The following OSBPL8 variants were observed in gnomAD, a reference collection of about 807,000 sequenced individuals.
OSBPL8 encodes oxysterol-binding protein-related protein 8.
OSBPL8 carries 59 observed loss-of-function variants against 125.5 expected under a neutral mutation model. The observed-to-expected ratio is 0.47, with a 90% CI of 0.38 to 0.58. OSBPL8 has a LOEUF of 0.58. Among genes scored for constraint, OSBPL8 ranks in the 20% least tolerant of loss-of-function variants. The probability of loss-of-function intolerance (pLI) is 0.00; values close to 1 mark genes in which losing one functional copy is unlikely to be tolerated. For missense variants in OSBPL8, 758 were observed against 1,047.8 expected (o/e 0.72, Z 3.82); for synonymous variants, 330 against 338.9 (o/e 0.97, Z 0.29).
At chr12:76,535,285 T>C (rs1950461164) in intron 1 of OSBPL8, among the ~76,000 whole-genome samples, 1 of 151,974 alleles carries the variant, frequency 6.6e-6, no homozygotes, top group East Asian at 1.9e-4. Context: ...AGAAAACAAT[T>C]TTTTAAATGA....
intron 5 of OSBPL8, among the ~76,000 whole-genome samples, chr12:76,404,076 T>C (rs1429226652): frequency 6.6e-6 from 1 of 152,188 alleles, no homozygotes; most frequent in African/African-American, 2.4e-5. Context: ...AATGTAGAAA[T>C]CAACCTAGTT....
At position 76,493,316 on chromosome 12, in the gene OSBPL8, GGTGA is replaced by G. The variant is rs978416979; in HGVS notation, c.-67-5702_-67-5699del. Reference sequence around the variant, plus strand: ...GTATCCTCAATGACAGCGTTTTACTGGTGAGTTTTATAATTTACATGTTTTCATG... The same window carrying G: ...GTATCCTCAATGACAGCGTTTTACTGGTTTTATAATTTACATGTTTTCATG... On this transcript the variant is annotated intron_variant, in intron 1 of 23. Transcript: ENST00000261183. Among the ~76,000 whole-genome samples the G allele has an allele frequency of 1.2e-4, 19 of 152,188 alleles. No homozygotes were observed. The East Asian group carries it at 2.3e-3, about 19-fold the overall frequency.
intron 16 of OSBPL8, 110 bp from the exon 17 acceptor site, chr12:76,375,480 C>G: frequency 1.5e-6 from 1 of 679,120 alleles, no homozygotes. Flanking sequence ...TTCAAAATCA[C>G]TCTGTCCCAC....
At chr12:76,505,369 C>T (rs966202346) in intron 1 of OSBPL8, among the ~76,000 whole-genome samples, 1 of 152,102 alleles carries the variant, frequency 6.6e-6, no homozygotes, top group Non-Finnish European at 1.5e-5. Context: ...CATATCCATG[C>T]CTCCAGTTTT....
intron 1 of OSBPL8, among the ~76,000 whole-genome samples, chr12:76,549,015 A>G (rs1950863115): frequency 6.6e-6 from 1 of 152,176 alleles, no homozygotes; most frequent in Non-Finnish European, 1.5e-5. Context: ...CGACAATACA[A>G]CATAGTGTAA....
intron 4 of OSBPL8, among the ~76,000 whole-genome samples, chr12:76,433,477 C>T (rs1324562949): frequency 6.6e-6 from 1 of 151,282 alleles, no homozygotes; most frequent in African/African-American, 2.4e-5. Flanking sequence ...AAAAAGAATA[C>T]TTAGAAATAA....
intron 1 of OSBPL8, among the ~76,000 whole-genome samples, chr12:76,552,542 T>G (rs904295040): frequency 2.0e-5 from 3 of 149,398 alleles, no homozygotes; most frequent in African/African-American, 7.4e-5. Context: ...ACATGGTCCC[T>G]CCCTCACAAT....
intron 2 of OSBPL8, among the ~76,000 whole-genome samples, chr12:76,464,382 A>G (rs760754690): frequency 2.6e-5 from 4 of 152,236 alleles, no homozygotes; most frequent in Non-Finnish European, 4.4e-5. Context: ...TAATTTTGTT[A>G]TAAGTACATC....
At chr12:76,408,800 C>T (rs976870710) in intron 5 of OSBPL8, among the ~76,000 whole-genome samples, 15 of 152,140 alleles carry the variant, frequency 9.9e-5, no homozygotes, top group Non-Finnish European at 2.1e-4. Context: ...CCCCGCCCCC[C>T]ATTAAGGCAC....
At chr12:76,451,503 A>T (rs1290120831) in intron 3 of OSBPL8, among the ~76,000 whole-genome samples, 2 of 152,222 alleles carry the variant, frequency 1.3e-5, no homozygotes, top group Non-Finnish European at 2.9e-5. Context: ...TAACTGTTTT[A>T]GAGAGGAGGA....
chr12:76,522,243 G>C (rs1882132017), intron 1 of OSBPL8, among the ~76,000 whole-genome samples: 1 of 151,404 alleles, frequency 6.6e-6, no homozygotes, highest in Non-Finnish European at 1.5e-5. Flanking sequence ...GACAACTCAT[G>C]AATTAACTAG....
At chr12:76,389,871 T>G in intron 11 of OSBPL8, 42 bp from the exon 12 acceptor site, 2 of 1,395,424 alleles carry the variant, frequency 1.4e-6, no homozygotes, top group Non-Finnish European at 1.9e-6. Context: ...TATATTTATT[T>G]CAGACAGATA....
At chr12:76,473,272 G>T (rs895037874) in intron 2 of OSBPL8, among the ~76,000 whole-genome samples, 1 of 152,010 alleles carries the variant, frequency 6.6e-6, no homozygotes, top group Non-Finnish European at 1.5e-5. Context: ...TTATGTCTAT[G>T]ATCTAGATCT....
At position 76,466,348 on chromosome 12, in the gene OSBPL8, A is replaced by G. The variant is rs376252113; in HGVS notation, c.43-6453T>C. Among the ~76,000 whole-genome samples the G allele has an allele frequency of 3.3e-5, 5 of 152,214 alleles. No homozygotes were observed. In the East Asian group the frequency reaches 5.8e-4, roughly 18 times the overall value. On this transcript the variant is annotated intron_variant, in intron 2 of 23. Transcript: ENST00000261183. ...ATTTCTTATTATGACATAATTATCT[A>G]TGATTAAGTATAGTGGGAAGTACAT...
At chr12:76,482,777 T>C (rs535978285) in intron 2 of OSBPL8, among the ~76,000 whole-genome samples, 26 of 152,354 alleles carry the variant, frequency 1.7e-4, no homozygotes, top group African/African-American at 6.0e-4. Context: ...GTGAAAACTG[T>C]AAACTTTCAA....
chr12:76,355,797 T>C lies in OSBPL8; in HGVS notation c.*92A>G, dbSNP rs745530573. On this transcript the variant is annotated 3_prime_UTR_variant, in exon 24 of 24. Coordinates refer to ENST00000261183, the MANE Select transcript of OSBPL8 (RefSeq NM_020841.5). ...CCTAGGTTTTTTTGTTTTCGGAATA[T>C]TGTGATTTTTAATAAAGACCAAACC... is the stretch of plus-strand genomic sequence containing the variant. 6 of 1,402,776 alleles carry C rather than the reference T, an allele frequency of 4.3e-6. No individual in the cohort carries two copies. The highest frequency in any genetic ancestry group is 1.9e-4 in the Middle Eastern group (1 of 5,134). The allele number at this position is 1,402,776 out of a possible 1,614,324, so 86.9% of individuals were successfully genotyped here.
At chr12:76,517,675 T>C (rs1042613509) in intron 1 of OSBPL8, among the ~76,000 whole-genome samples, 2 of 152,336 alleles carry the variant, frequency 1.3e-5, no homozygotes, top group African/African-American at 4.8e-5. Flanking sequence ...ATTGGGTTCA[T>C]AGTTCTACCG....
rs773760933 is a variant in OSBPL8, at chr12:76,410,637, TA to T, written c.218-4del. 3 of 1,587,066 alleles carry T rather than the reference TA, an allele frequency of 1.9e-6. No individual in the cohort carries two copies. The highest frequency in any genetic ancestry group is 2.2e-5 in the East Asian group (1 of 44,626). On this transcript the variant is annotated splice_region_variant and splice_polypyrimidine_tract_variant and intron_variant, in intron 4 of 23. Coordinates refer to ENST00000261183, the MANE Select transcript of OSBPL8 (RefSeq NM_020841.5). ...ATCTTCCTTCCCTCTTTCAAAACCT[TA>T]AAAAAATAGTCAGCATATCAGTATT...
At chr12:76,445,855 C>G (rs1283923966) in intron 4 of OSBPL8, among the ~76,000 whole-genome samples, 2 of 152,126 alleles carry the variant, frequency 1.3e-5, no homozygotes, top group East Asian at 3.9e-4. Flanking sequence ...TAGGTACTAC[C>G]CCCCAAAAAA....
Sources: allele counts gnomAD v4.1 joint callset (sites outside exome capture counted in the v4.1 genomes callset), GRCh38; gene constraint gnomAD v4.1.1; transcripts MANE v1.5; gene names NCBI Gene and HGNC (gene_info 2026-07-23, HGNC 2026-07-21).